COLQ: variants seen among roughly 807,000 people sequenced by gnomAD.
The protein encoded by COLQ is acetylcholinesterase collagenic tail peptide.
COLQ carries 48 observed loss-of-function variants against 69.0 expected under a neutral mutation model. The observed-to-expected ratio is 0.70, with a 90% CI of 0.55 to 0.88. The LOEUF (loss-of-function observed/expected upper bound fraction) is 0.88, where lower values mean the gene tolerates loss of function less well. Among genes scored for constraint, COLQ ranks in the 40% least tolerant of loss-of-function variants. COLQ has a pLI of 0.00. For missense variants in COLQ, 618 were observed against 594.6 expected (o/e 1.04, Z -0.41); for synonymous variants, 217 against 211.2 (o/e 1.03, Z -0.24).
chr3:15,464,472 C>G (rs970778664), intron 12 of COLQ, among the ~76,000 whole-genome samples: 1 of 152,178 alleles, frequency 6.6e-6, no homozygotes, highest in Non-Finnish European at 1.5e-5. Context: ...CTTTGCCCAA[C>G]CTATTTGTGG....
intron 12 of COLQ, among the ~76,000 whole-genome samples, chr3:15,465,231 T>TATTTA (rs1490472718): frequency 4.7e-5 from 5 of 106,986 alleles, no homozygotes; most frequent in Non-Finnish European, 9.8e-5. Context: ...AGACTTTATA[T>TATTTA]TTTGATTTAT....
chr3:15,498,280 C>T (rs1431379244), intron 1 of COLQ, among the ~76,000 whole-genome samples: 1 of 152,186 alleles, frequency 6.6e-6, no homozygotes, highest in Non-Finnish European at 1.5e-5. Context: ...TCCCCACCAA[C>T]TCTACTGTGA....
chr3:15,504,397 C>T (rs544719953), intron 1 of COLQ, among the ~76,000 whole-genome samples: 63 of 152,322 alleles, frequency 4.1e-4, no homozygotes, highest in Non-Finnish European at 7.9e-4. Context: ...GGCATGGCCA[C>T]CTGCTTGCCA....
chr3:15,511,945 TA>T (rs1172689237), intron 1 of COLQ, among the ~76,000 whole-genome samples: 2 of 152,126 alleles, frequency 1.3e-5, no homozygotes, highest in Non-Finnish European at 2.9e-5. Flanking sequence ...CCCGGAATCC[TA>T]GTGAAGTAAG....
intron 1 of COLQ, among the ~76,000 whole-genome samples, chr3:15,505,610 G>A (rs777856649): frequency 8.5e-5 from 13 of 152,338 alleles, no homozygotes; most frequent in East Asian, 7.7e-4. Flanking sequence ...GGCTGGCTGC[G>A]CCTTGACTCT....
At chr3:15,491,364 C>A (rs1205414188) in intron 1 of COLQ, among the ~76,000 whole-genome samples, 2 of 152,196 alleles carry the variant, frequency 1.3e-5, no homozygotes, top group Admixed American at 1.3e-4. Context: ...AGAACATGCA[C>A]GCCACATTGA....
intron 3 of COLQ, among the ~76,000 whole-genome samples, chr3:15,483,382 A>G (rs1440000944): frequency 6.6e-6 from 1 of 152,176 alleles, no homozygotes; most frequent in Non-Finnish European, 1.5e-5. Context: ...ACACTGCTTT[A>G]AATGTGTCCC....
intron 1 of COLQ, among the ~76,000 whole-genome samples, chr3:15,504,597 G>A (rs1049677257): frequency 1.8e-4 from 27 of 152,324 alleles, no homozygotes; most frequent in African/African-American, 6.0e-4. Context: ...GGTGGCTCAT[G>A]CCTATAATCC....
intron 1 of COLQ, among the ~76,000 whole-genome samples, chr3:15,511,277 G>A (rs73031583): frequency 0.096 from 14,681 of 152,198 alleles, 966 homozygotes; most frequent in East Asian, 0.33. Flanking sequence ...CAAGTAAACA[G>A]GCAAATGGCC....
intron 1 of COLQ, among the ~76,000 whole-genome samples, chr3:15,492,642 G>A (rs796554745): frequency 8.6e-5 from 13 of 150,504 alleles, no homozygotes; most frequent in African/African-American, 3.2e-4. Flanking sequence ...ACTCCAGCCT[G>A]AGCGACAGAG....
Position 15,450,368 on chromosome 3 carries a change from A to G in COLQ, c.*1276T>C, listed in dbSNP as rs2061924700. The G allele has an allele frequency of 6.5e-6, 1 of 153,792 alleles. No homozygotes were observed. The highest frequency in any genetic ancestry group is 1.5e-5 in the Non-Finnish European group (1 of 68,062). 9.5% of individuals were successfully genotyped at this position (153,792 alleles called of 1,614,324 possible). A position where few individuals can be genotyped will look rare whatever the true frequency, so the allele number is the denominator to read the frequency against. On this transcript the variant is annotated 3_prime_UTR_variant, in exon 17 of 17. Coordinates refer to ENST00000383788, the MANE Select transcript of COLQ (RefSeq NM_005677.4). Reference sequence around the variant, plus strand: ...CCAGGCCCCAAGCTCCAGCCTGCTGAGTCCCCAAGACACAGGCTCATTAAA... The same window carrying G: ...CCAGGCCCCAAGCTCCAGCCTGCTGGGTCCCCAAGACACAGGCTCATTAAA...
chr3:15,458,393 G>A (rs987754429), intron 12 of COLQ, 68 bp from the exon 13 acceptor site: 2 of 1,580,728 alleles, frequency 1.3e-6, no homozygotes, highest in Admixed American at 1.7e-5. Context: ...AGGGAGATGT[G>A]AGCGACCTTT....
At chr3:15,469,136 G>A (rs887222279) in intron 11 of COLQ, among the ~76,000 whole-genome samples, 3 of 152,192 alleles carry the variant, frequency 2.0e-5, no homozygotes, top group African/African-American at 7.2e-5. Context: ...TGTTCACAAT[G>A]TCTTGTCGAA....
intron 1 of COLQ, chr3:15,498,582 C>A (rs1429247551): frequency 6.4e-7 from 1 of 1,551,928 alleles, no homozygotes; most frequent in East Asian, 2.4e-5. Context: ...ATGATGAGCC[C>A]GTCATTGTGA....
intron 13 of COLQ, among the ~76,000 whole-genome samples, chr3:15,456,856 G>A (rs1229673880): frequency 2.0e-5 from 3 of 150,924 alleles, no homozygotes; most frequent in South Asian, 2.1e-4. Context: ...GGAGTCTCAC[G>A]CGGTTGCCCA....
chr3:15,478,380 T>G (rs1020735583), intron 5 of COLQ, among the ~76,000 whole-genome samples: 1 of 152,190 alleles, frequency 6.6e-6, no homozygotes, highest in Non-Finnish European at 1.5e-5. Flanking sequence ...TGGCCAAAGT[T>G]TTGCACGCTT....
chr3:15,456,641 C>G (rs1187864209), intron 13 of COLQ, 62 bp from the exon 14 acceptor site: 11 of 1,604,180 alleles, frequency 6.9e-6, no homozygotes, highest in Admixed American at 1.7e-5. Context: ...AGGAAAAAAG[C>G]TGGAGGAGGA....
At chr3:15,456,761 A>G (rs2125086926) in intron 13 of COLQ, among the ~76,000 whole-genome samples, 182 bp from the exon 14 acceptor site, 1 of 152,362 alleles carries the variant, frequency 6.6e-6, no homozygotes, top group Non-Finnish European at 1.5e-5. Flanking sequence ...TCATCTTCTC[A>G]ATCGAGTTCC....
chr3:15,453,012 G>A (rs2061971272), intron 16 of COLQ, among the ~76,000 whole-genome samples: 1 of 152,160 alleles, frequency 6.6e-6, no homozygotes, highest in Admixed American at 6.5e-5. Flanking sequence ...GATCCACTCT[G>A]GAACCCAGTG....
Sources: gnomAD v4.1 joint callset for allele counts (sites outside exome capture counted in the v4.1 genomes callset) on GRCh38, gnomAD v4.1.1 for gene constraint, MANE v1.5 for transcripts, NCBI Gene and HGNC (gene_info 2026-07-23, HGNC 2026-07-21) for gene names.